The following PIBF1 variants were observed in gnomAD, a reference collection of about 807,000 sequenced individuals.
The protein encoded by PIBF1 is progesterone-induced-blocking factor 1.
PIBF1 carries 90 observed loss-of-function variants against 112.5 expected under a neutral mutation model. That is an observed-to-expected ratio of 0.80 (90% CI 0.67 to 0.95). PIBF1 has a LOEUF of 0.95. PIBF1 is among the 40% of genes least tolerant of loss of function. PIBF1 has a pLI of 0.00. For synonymous variants in PIBF1, 301 were observed against 288.6 expected (o/e 1.04, Z -0.44); for missense variants, 915 against 852.3 (o/e 1.07, Z -0.92).
In PIBF1 at chr13:72,836,170, C is replaced by T. The variant is rs79314104; in HGVS notation, c.1223+802C>T. On this transcript the variant is annotated intron_variant, in intron 9 of 17. Coordinates refer to ENST00000326291, the MANE Select transcript of PIBF1 (RefSeq NM_006346.4). ...CTTTTAGATCAGTAAATATTAGGCT[C>T]ACCTAGTTAGTGATTGGCAGAATTC... is the stretch of plus-strand genomic sequence containing the variant. 6.9e-3 allele frequency: 3,006 copies of T among 432,750 alleles called. 107 individuals carry two copies. Among genetic ancestry groups the T allele is most frequent in the East Asian group, 9.2e-3 (129 of 14,058 alleles). 26.8% of individuals were successfully genotyped at this position (432,750 alleles called of 1,614,324 possible).
chr13:72,845,683 T>C (rs1049841424), intron 9 of PIBF1, among the ~76,000 whole-genome samples: 5 of 152,204 alleles, frequency 3.3e-5, no homozygotes, highest in African/African-American at 1.2e-4. Flanking sequence ...TTCTTGGCTT[T>C]TAATAATTGC....
At chr13:72,969,551 A>T (rs1265823126) in intron 15 of PIBF1, 1 of 152,186 alleles carries the variant, frequency 6.6e-6, no homozygotes, top group Non-Finnish European at 1.5e-5. Flanking sequence ...CTATAGGTGT[A>T]CCCTGGTGAC....
intron 2 of PIBF1, among the ~76,000 whole-genome samples, chr13:72,788,205 T>C (rs543367729): frequency 2.6e-5 from 4 of 152,318 alleles, no homozygotes; most frequent in Admixed American, 1.3e-4. Context: ...CTGAGCTTCC[T>C]GTCATTGGAA....
chr13:73,002,562 T>A (rs542149379), intron 17 of PIBF1, among the ~76,000 whole-genome samples: 2 of 152,298 alleles, frequency 1.3e-5, no homozygotes, highest in South Asian at 4.1e-4. Context: ...TCTGCTGCCA[T>A]CCTATTCGAA....
At chr13:72,792,412 C>G (rs770857885) in intron 2 of PIBF1, 35 bp from the exon 3 acceptor site, 2 of 1,246,982 alleles carry the variant, frequency 1.6e-6, no homozygotes, top group African/African-American at 3.1e-5. Context: ...TTCTTTATGA[C>G]AAATCATATA....
At chr13:72,831,548 G>T (rs974879472) in intron 8 of PIBF1, among the ~76,000 whole-genome samples, 1 of 152,144 alleles carries the variant, frequency 6.6e-6, no homozygotes, top group Non-Finnish European at 1.5e-5. Context: ...GGAGCAGGTT[G>T]TTCATTTTCC....
chr13:72,916,140 G>C (rs2041084333), intron 12 of PIBF1, among the ~76,000 whole-genome samples: 1 of 151,952 alleles, frequency 6.6e-6, no homozygotes, highest in Admixed American at 6.6e-5. Context: ...TGTAATCCCA[G>C]CACTTTGGGA....
At chr13:72,946,634 T>A (rs1413930429) in intron 14 of PIBF1, among the ~76,000 whole-genome samples, 1 of 152,048 alleles carries the variant, frequency 6.6e-6, no homozygotes, top group Non-Finnish European at 1.5e-5. Flanking sequence ...CTAGATACAG[T>A]GGGGGTACAG....
At position 72,990,213 on chromosome 13, in the gene PIBF1, CAAAAAAAA is replaced by C. The variant is rs34873893; in HGVS notation, c.2050-8592_2050-8585del. Among the ~76,000 whole-genome samples, 407 of 52,718 alleles carry C rather than the reference CAAAAAAAA, an allele frequency of 7.7e-3. 1 individual carries two copies. Among genetic ancestry groups the C allele is most frequent in the Non-Finnish European group, 0.01 (292 of 27,870 alleles). 34.6% of individuals were successfully genotyped at this position (52,718 alleles called of 152,430 possible). ...TGGGCAACAAAGCAAGACTCTGTCTCAAAAAAAAAAAAAAAAAAAAAAAATGCCAGGTA... is the reference window on the plus strand; with the variant it reads ...TGGGCAACAAAGCAAGACTCTGTCTCAAAAAAAAAAAAAAAATGCCAGGTA... On this transcript the variant is annotated intron_variant, in intron 16 of 17. Coordinates refer to ENST00000326291, the MANE Select transcript of PIBF1 (RefSeq NM_006346.4).
chr13:72,799,761 A>C (rs533944335), intron 5 of PIBF1, among the ~76,000 whole-genome samples: 84 of 152,240 alleles, frequency 5.5e-4, no homozygotes, highest in African/African-American at 1.9e-3. Context: ...GGTTCTATAC[A>C]CCTTATGGTA....
At chr13:72,885,683 C>T (rs1481974021) in intron 10 of PIBF1, among the ~76,000 whole-genome samples, 1 of 152,082 alleles carries the variant, frequency 6.6e-6, no homozygotes, top group Non-Finnish European at 1.5e-5. Context: ...TCATCCAGAA[C>T]TCAACATGCC....
chr13:72,965,710 G>A (rs955069839), intron 15 of PIBF1, among the ~76,000 whole-genome samples: 1 of 152,144 alleles, frequency 6.6e-6, no homozygotes, highest in Non-Finnish European at 1.5e-5. Context: ...TTAGTGTGGT[G>A]TAGATTGACC....
chr13:72,994,088 G>A (rs913437821), intron 16 of PIBF1, among the ~76,000 whole-genome samples: 1 of 149,872 alleles, frequency 6.7e-6, no homozygotes, highest in Non-Finnish European at 1.5e-5. Context: ...ACTACAGCCT[G>A]AGCAACAGAG....
In PIBF1 at chr13:73,016,264, CTT is replaced by C. The variant is rs2044379112; in HGVS notation, c.*347_*348del. ...AATGTCATACACAAATACTAAGACA[CTT>C]TGCATTTTTAAAAATTAAGAATCAT... On this transcript the variant is annotated 3_prime_UTR_variant, in exon 18 of 18. Transcript: ENST00000326291. 2 of 153,272 alleles carry C rather than the reference CTT, an allele frequency of 1.3e-5. No homozygotes were observed. The highest frequency in any genetic ancestry group is 2.1e-4 in the South Asian group (1 of 4,848). 9.5% of individuals were successfully genotyped at this position (153,272 alleles called of 1,614,324 possible).
intron 14 of PIBF1, among the ~76,000 whole-genome samples, chr13:72,940,180 G>GA (rs561478583): frequency 5.9e-5 from 9 of 152,220 alleles, no homozygotes; most frequent in Non-Finnish European, 8.8e-5. Flanking sequence ...TTCTACAACA[G>GA]AACAAATGAT....
Position 72,927,960 on chromosome 13 carries a change from CACAT to C in PIBF1, c.1731-3203_1731-3200del, listed in dbSNP as rs1389145974. Among the ~76,000 whole-genome samples the C allele has an allele frequency of 1.7e-3, 188 of 112,166 alleles. 2 individuals carry two copies. Among genetic ancestry groups the C allele is most frequent in the African/African-American group, 5.9e-3 (170 of 28,576 alleles). 73.6% of individuals were successfully genotyped at this position (112,166 alleles called of 152,430 possible). ...ATATATGTGTGTATATATATATATA[CACAT>C]ATATATATATATACATATATATATA... On this transcript the variant is annotated intron_variant, in intron 13 of 17. Coordinates refer to ENST00000326291, the MANE Select transcript of PIBF1 (RefSeq NM_006346.4).
At chr13:72,979,308 C>T (rs1367196370) in intron 16 of PIBF1, among the ~76,000 whole-genome samples, 4 of 152,132 alleles carry the variant, frequency 2.6e-5, no homozygotes, top group Non-Finnish European at 5.9e-5. Flanking sequence ...TTTGCCTTAA[C>T]GAAACAAGAT....
intron 10 of PIBF1, among the ~76,000 whole-genome samples, chr13:72,888,611 G>A (rs1286930467): frequency 6.6e-6 from 1 of 151,836 alleles, no homozygotes; most frequent in Admixed American, 6.6e-5. Context: ...AATCCGTTTA[G>A]AATTAAATAA....
rs1555308473 is a variant in PIBF1, at chr13:72,894,778, T to TGC, written c.1488+830_1488+831insCG. ...ATATATTATATATATATATAGTGTG[T>TGC]GTGTGTGTGTGTGTGTGTGTGTGTG... On this transcript the variant is annotated intron_variant, in intron 11 of 17. Transcript: ENST00000326291. Among the ~76,000 whole-genome samples the TGC allele has an allele frequency of 1.3e-4, 19 of 143,686 alleles. No individual in the cohort carries two copies. The East Asian group carries it at 1.6e-3, about 12-fold the overall frequency. The allele number at this position is 143,686 out of a possible 152,430, so 94.3% of individuals were successfully genotyped here.
Sources: gnomAD v4.1 joint callset for allele counts (sites outside exome capture counted in the v4.1 genomes callset) on GRCh38, gnomAD v4.1.1 for gene constraint, MANE v1.5 for transcripts, NCBI Gene and HGNC (gene_info 2026-07-23, HGNC 2026-07-21) for gene names.